PCDHA1: variants seen among roughly 807,000 people sequenced by gnomAD.
PCDHA1 encodes protocadherin alpha-1.
In PCDHA1, 42 loss-of-function variants were observed where a neutral mutation model predicts 61.3. The observed-to-expected ratio is 0.69, with a 90% CI of 0.54 to 0.89. The LOEUF is 0.89. Among genes scored for constraint, PCDHA1 ranks in the 40% least tolerant of loss-of-function variants. The pLI, the probability that PCDHA1 is intolerant of heterozygous loss-of-function variation, is 0.00. For missense variants in PCDHA1, 1,256 were observed against 1,235.3 expected (o/e 1.02, Z -0.25); for synonymous variants, 610 against 553.8 (o/e 1.10, Z -1.43).
In PCDHA1 at chr5:140,843,697, T is replaced by C. The variant is rs2150365268; in HGVS notation, c.2394+55013T>C. 3.9e-5 allele frequency: 61 copies of C among 1,583,460 alleles called. 6 individuals carry two copies. Among genetic ancestry groups the C allele is most frequent in the Middle Eastern group, 1.7e-4 (1 of 5,990 alleles). ...ATGTAGGCGAAGAGCAAGATTTAAA[T>C]GTTGATCATGGCCTCAAAGTAAGTC... On this transcript the variant is annotated intron_variant, in intron 1 of 3. Coordinates refer to ENST00000504120, the MANE Select transcript of PCDHA1 (RefSeq NM_018900.4).
Position 140,802,670 on chromosome 5 carries a change from C to G in PCDHA1, c.2394+13986C>G. 1.9e-6 allele frequency: 3 copies of G among 1,613,448 alleles called. No homozygotes were observed. In the South Asian group the frequency reaches 3.3e-5, roughly 18 times the overall value. On this transcript the variant is annotated intron_variant, in intron 1 of 3. Transcript: ENST00000504120. ...ACGCGCAGGAGAACGCCCTGGTGTC[C>G]TACTCGCTGGTGGAACGGCGGGTGG... is the stretch of plus-strand genomic sequence containing the variant.
intron 1 of PCDHA1, chr5:140,877,875 C>T (rs2057379478): frequency 6.8e-7 from 1 of 1,475,090 alleles, no homozygotes; most frequent in Non-Finnish European, 9.0e-7. Context: ...TATTTGTTTC[C>T]TTGAAGAACT....
chr5:140,840,690 A>G (rs2150308704), intron 1 of PCDHA1, among the ~76,000 whole-genome samples: 1 of 152,210 alleles, frequency 6.6e-6, no homozygotes, highest in South Asian at 2.1e-4. Context: ...AGTAAATAAA[A>G]CGGTTCAGGC....
chr5:140,856,825 A>C lies in PCDHA1; in HGVS notation c.2394+68141A>C, dbSNP rs782049467. On this transcript the variant is annotated intron_variant, in intron 1 of 3. Coordinates refer to ENST00000504120, the MANE Select transcript of PCDHA1 (RefSeq NM_018900.4). Reference sequence around the variant, plus strand: ...ATGAAAATCAAGTGAACCAAACATTAGTAATACGGCTCAACGCTTCTGATT... The same window carrying C: ...ATGAAAATCAAGTGAACCAAACATTCGTAATACGGCTCAACGCTTCTGATT... 1 of 1,592,052 alleles carries C rather than the reference A, an allele frequency of 6.3e-7. No individual in the cohort carries two copies. The highest frequency in any genetic ancestry group is 1.7e-5 in the Admixed American group (1 of 59,160).
chr5:140,936,771 C>G (rs182480245), intron 1 of PCDHA1, among the ~76,000 whole-genome samples: 2 of 152,230 alleles, frequency 1.3e-5, no homozygotes, highest in South Asian at 4.1e-4. Flanking sequence ...TGTGTAAGTT[C>G]TCTCACTTTG....
intron 1 of PCDHA1, among the ~76,000 whole-genome samples, chr5:140,874,231 G>T (rs1554167098): frequency 6.6e-6 from 1 of 152,124 alleles, no homozygotes; most frequent in African/African-American, 2.4e-5. Flanking sequence ...GGAATGAATG[G>T]CAACAAATTA....
At chr5:140,935,570 T>C (rs2090442737) in intron 1 of PCDHA1, among the ~76,000 whole-genome samples, 1 of 152,236 alleles carries the variant, frequency 6.6e-6, no homozygotes, top group South Asian at 2.1e-4. Context: ...TTCCTCTCTG[T>C]GTAGTTAAGC....
At chr5:140,869,099 A>G in intron 1 of PCDHA1, 1 of 1,596,446 alleles carries the variant, frequency 6.3e-7, no homozygotes, top group African/African-American at 1.3e-5. Flanking sequence ...CCAATTTCGT[A>G]TGCGATGTTT....
chr5:140,917,333 G>A (rs1301739777), intron 1 of PCDHA1, among the ~76,000 whole-genome samples: 2 of 148,632 alleles, frequency 1.3e-5, no homozygotes, highest in African/African-American at 4.9e-5. Flanking sequence ...GCGGGGGAGG[G>A]GGGGGATGGT....
intron 1 of PCDHA1, among the ~76,000 whole-genome samples, chr5:140,855,480 A>T (rs567213059): frequency 4.7e-5 from 7 of 150,092 alleles, no homozygotes; most frequent in Middle Eastern, 6.8e-3. Context: ...GATGCTTGAC[A>T]TTAGTGTCTA....
intron 1 of PCDHA1, among the ~76,000 whole-genome samples, chr5:140,973,558 T>C (rs1427190876): frequency 6.6e-6 from 1 of 152,238 alleles, no homozygotes; most frequent in Admixed American, 6.5e-5. Flanking sequence ...AATTACCTCT[T>C]TCCTCAATTT....
chr5:140,957,954 T>G (rs2095401085), intron 1 of PCDHA1, among the ~76,000 whole-genome samples: 2 of 152,138 alleles, frequency 1.3e-5, no homozygotes, highest in Admixed American at 1.3e-4. Context: ...TTAAGACTAT[T>G]AATTCAGAGA....
At chr5:140,866,776 T>A (rs1554160548) in intron 1 of PCDHA1, 1 of 152,168 alleles carries the variant, frequency 6.6e-6, no homozygotes, top group African/African-American at 2.4e-5. Flanking sequence ...AGATTGTATG[T>A]CCTGACTGAT....
chr5:141,006,750 G>A (rs1233243147), intron 3 of PCDHA1, among the ~76,000 whole-genome samples: 1 of 152,122 alleles, frequency 6.6e-6, no homozygotes, highest in African/African-American at 2.4e-5. Flanking sequence ...TATTATAAAT[G>A]GAGAATGAAG....
intron 1 of PCDHA1, chr5:140,883,017 C>G: frequency 6.2e-7 from 1 of 1,614,054 alleles, no homozygotes. Context: ...TATAAAGTGA[C>G]GGTGTTAGAG....
chr5:140,888,586 C>T (rs1408191600), intron 1 of PCDHA1, among the ~76,000 whole-genome samples: 1 of 152,154 alleles, frequency 6.6e-6, no homozygotes, highest in East Asian at 1.9e-4. Flanking sequence ...TTTGTTAGTA[C>T]ACATTCAGAG....
Position 140,797,068 on chromosome 5 carries a change from A to C in PCDHA1, c.2394+8384A>C, listed in dbSNP as rs369236781. Reference sequence around the variant, plus strand: ...GGTGGATGTCAACGTGTACCTGATCATCGCCATCTGCGCGGTATCCAGCCT... The same window carrying C: ...GGTGGATGTCAACGTGTACCTGATCCTCGCCATCTGCGCGGTATCCAGCCT... On this transcript the variant is annotated intron_variant, in intron 1 of 3. Coordinates refer to ENST00000504120, the MANE Select transcript of PCDHA1 (RefSeq NM_018900.4). 62 of 1,613,816 alleles carry C rather than the reference A, an allele frequency of 3.8e-5. No homozygotes were observed. Among genetic ancestry groups the C allele is most frequent in the Non-Finnish European group, 5.1e-5 (60 of 1,179,962 alleles).
intron 1 of PCDHA1, chr5:140,859,356 A>T (rs1159666697): frequency 4.0e-6 from 1 of 251,742 alleles, no homozygotes; most frequent in African/African-American, 2.3e-5. Context: ...TACTGATCTG[A>T]TATATTGTAT....
intron 1 of PCDHA1, chr5:140,884,825 T>C (rs543714024): frequency 1.0e-6 from 1 of 967,424 alleles, no homozygotes; most frequent in Non-Finnish European, 1.5e-6. Flanking sequence ...CATTATGTGT[T>C]GGATTATCCT....
Sources: allele counts gnomAD v4.1 joint callset (sites outside exome capture counted in the v4.1 genomes callset), GRCh38; gene constraint gnomAD v4.1.1; transcripts MANE v1.5; gene names NCBI Gene and HGNC (gene_info 2026-07-23, HGNC 2026-07-21).